TTC8: variants seen among roughly 807,000 people sequenced by gnomAD.
TTC8 encodes tetratricopeptide repeat protein 8.
TTC8 carries 47 observed loss-of-function variants against 72.5 expected under a neutral mutation model. That is an observed-to-expected ratio of 0.65 (90% CI 0.51 to 0.83). TTC8 has a LOEUF of 0.83. Among genes scored for constraint, TTC8 ranks in the 40% least tolerant of loss-of-function variants. TTC8 has a pLI of 0.00. For synonymous variants in TTC8, 199 were observed against 221.4 expected (o/e 0.90, Z 0.90); for missense variants, 611 against 623.2 (o/e 0.98, Z 0.21).
rs760621054 is a variant in TTC8, at chr14:88,824,678, G to C, written c.-30G>C. The C allele has an allele frequency of 3.2e-6, 5 of 1,557,938 alleles. No homozygotes were observed. The Admixed American group carries it at 9.2e-5, about 29-fold the overall frequency. On this transcript the variant is annotated 5_prime_UTR_variant, in exon 1 of 15. Coordinates refer to ENST00000380656, the MANE Select transcript of TTC8 (RefSeq NM_144596.4). ...TCCACGCCCACCTCTCTCCTGGAGCGCTGGGCCTTCGCTGGCCGCACCGGC... is the reference window on the plus strand; with the variant it reads ...TCCACGCCCACCTCTCTCCTGGAGCCCTGGGCCTTCGCTGGCCGCACCGGC...
At chr14:88,851,343 C>A (rs2094832806) in intron 7 of TTC8, among the ~76,000 whole-genome samples, 1 of 152,104 alleles carries the variant, frequency 6.6e-6, no homozygotes, top group South Asian at 2.1e-4. Flanking sequence ...TGGATTAGCA[C>A]AAAGATATGG....
At position 88,871,786 on chromosome 14, in the gene TTC8, T is replaced by A; in HGVS notation, c.1224+63T>A. 6.4e-7 allele frequency: 1 copy of A among 1,572,342 alleles called. No individual in the cohort carries two copies. The highest frequency in any genetic ancestry group is 8.7e-7 in the Non-Finnish European group (1 of 1,143,752). On this transcript the variant is annotated intron_variant, in intron 12 of 14. Coordinates refer to ENST00000380656, the MANE Select transcript of TTC8 (RefSeq NM_144596.4). This position sits in a 1 kb window ranked among gnomAD's most constrained non-coding sequence, Gnocchi z 4.1. ...GTTGGTTTGAGCCAGACACAGTGGC[T>A]CATGCCTATAATTCCAGCATTTTGG... is the stretch of plus-strand genomic sequence containing the variant.
chr14:88,824,925 C>A, intron 1 of TTC8, 104 bp downstream of exon 1: 1 of 1,126,790 alleles, frequency 8.9e-7, no homozygotes, highest in Non-Finnish European at 1.3e-6. Flanking sequence ...AGGCCCGAGG[C>A]GGGGCTGACC....
chr14:88,830,645 G>A (rs2094721272), intron 1 of TTC8, among the ~76,000 whole-genome samples: 1 of 152,160 alleles, frequency 6.6e-6, no homozygotes, highest in Admixed American at 6.5e-5. Context: ...GCTCCCTGAG[G>A]ATCAAGCCTA....
In TTC8 at chr14:88,839,618, G is replaced by A. The variant is rs1014420829; in HGVS notation, c.265+46G>A. ...TAAGTTAATGAAATACCATTAAGAG[G>A]AAGAATACTGTGTATAAGAGGAATA... is the stretch of plus-strand genomic sequence containing the variant. On this transcript the variant is annotated intron_variant, in intron 3 of 14. Transcript: ENST00000380656. 3 of 1,601,974 alleles carry A rather than the reference G, an allele frequency of 1.9e-6. No homozygotes were observed. In the African/African-American group the frequency reaches 4.0e-5, roughly 21 times the overall value.
chr14:88,833,480 A>ACT (rs2094735792), intron 1 of TTC8, among the ~76,000 whole-genome samples: 1 of 152,228 alleles, frequency 6.6e-6, no homozygotes, highest in South Asian at 2.1e-4. Flanking sequence ...GATTAATTAG[A>ACT]ATTTTCTGAT....
chr14:88,872,243 T>C, intron 12 of TTC8, 87 bp from the exon 13 acceptor site: 9 of 1,572,202 alleles, frequency 5.7e-6, no homozygotes, highest in Non-Finnish European at 7.8e-6. Flanking sequence ...ATGCTTTTTG[T>C]CTGGTAGCAG....
intron 13 of TTC8, 118 bp from the exon 14 acceptor site, chr14:88,874,908 C>T (rs1178001998): frequency 2.1e-5 from 14 of 667,010 alleles, no homozygotes; most frequent in Non-Finnish European, 3.3e-5. Flanking sequence ...ATCACAGGCT[C>T]GTGTTATTAA....
chr14:88,851,710 G>A (rs2094834800), intron 7 of TTC8, among the ~76,000 whole-genome samples: 1 of 151,882 alleles, frequency 6.6e-6, no homozygotes, highest in African/African-American at 2.4e-5. Flanking sequence ...GGGCAGGGTG[G>A]TGGGGGAGAA....
downstream of TTC8, chr14:88,879,186 C>T (rs1288410710): frequency 6.6e-6 from 1 of 152,160 alleles, no homozygotes; most frequent in Non-Finnish European, 1.5e-5. Flanking sequence ...GAATGAGTCA[C>T]AGTGGCTCAG....
At chr14:88,843,734 T>C (rs1377768919) in intron 6 of TTC8, 72 bp from the exon 7 acceptor site, 2 of 1,106,882 alleles carry the variant, frequency 1.8e-6, no homozygotes, top group Non-Finnish European at 1.3e-6. Flanking sequence ...AATCCAGGGC[T>C]TTAGAGTACT....
At position 88,870,147 on chromosome 14, in the gene TTC8, GA is replaced by G; in HGVS notation, c.1000del (p.Ser334AlafsTer11). On this transcript the variant is annotated frameshift_variant, in exon 11 of 15. Transcript: ENST00000380656. LOFTEE classifies it high-confidence loss of function. ...NTHVEAIACIGSNHFYSDQPE... is the reference protein window; with the variant it reads ...NTHVEAIACIXSNHFYSDQPE... The stretch of plus-strand genomic sequence containing the variant: ...CATGTGGAAGCCATCGCATGCATTG[GA>G]AGCAACCACTTCTATTCTGATCAGC... The G allele has an allele frequency of 6.2e-7, 1 of 1,614,122 alleles. No individual in the cohort carries two copies. Among genetic ancestry groups the G allele is most frequent in the Non-Finnish European group, 8.5e-7 (1 of 1,179,988 alleles).
At chr14:88,874,586 G>T (rs2141043292) in intron 13 of TTC8, among the ~76,000 whole-genome samples, 1 of 152,078 alleles carries the variant, frequency 6.6e-6, no homozygotes, top group Non-Finnish European at 1.5e-5. Flanking sequence ...ATTTACAATG[G>T]TTTTTTTGGT....
chr14:88,863,654 C>T (rs1418989723), intron 10 of TTC8, among the ~76,000 whole-genome samples: 1 of 152,216 alleles, frequency 6.6e-6, no homozygotes, highest in Non-Finnish European at 1.5e-5. Flanking sequence ...AGAGAACCAG[C>T]CAAATTCCCA....
chr14:88,870,002 A>T (rs1260741390), intron 10 of TTC8, 57 bp from the exon 11 acceptor site: 1 of 1,587,626 alleles, frequency 6.3e-7, no homozygotes, highest in Non-Finnish European at 8.6e-7. Flanking sequence ...GTCAGAAAAA[A>T]ATAATTTTTT....
intron 2 of TTC8, among the ~76,000 whole-genome samples, chr14:88,835,065 A>G (rs2094744302): frequency 6.6e-6 from 1 of 152,210 alleles, no homozygotes; most frequent in African/African-American, 2.4e-5. Flanking sequence ...GCTATATACA[A>G]TAACAATTCA....
chr14:88,837,037 G>T, intron 2 of TTC8: 1 of 268,996 alleles, frequency 3.7e-6, no homozygotes, highest in Non-Finnish European at 7.5e-6. Flanking sequence ...CTCCAGCTTG[G>T]GCAACAAGAG....
chr14:88,841,441 G>A lies in TTC8; in HGVS notation c.506G>A (p.Ser169Asn), dbSNP rs145642258. The change falls in exon 6 of 15, where the codon AGT becomes AAT. Residue 169 changes from serine (S) to asparagine (N), a missense_variant. By Grantham distance (46) the Ser-to-Asn change is conservative (BLOSUM62 1). Transcript: ENST00000380656. ...VRLGTASMLT[S>N]PDGPFINLSR... Reference sequence around the variant, plus strand: ...CCTCTGTAGGCTTCCATGCTTACAAGTCCTGATGGACCATTTATAAATTTA... The same window carrying A: ...CCTCTGTAGGCTTCCATGCTTACAAATCCTGATGGACCATTTATAAATTTA... 3.2e-5 allele frequency: 51 copies of A among 1,613,552 alleles called. No homozygotes were observed. Among genetic ancestry groups the A allele is most frequent in the Non-Finnish European group, 4.1e-5 (48 of 1,179,836 alleles).
intron 2 of TTC8, among the ~76,000 whole-genome samples, chr14:88,835,009 G>A (rs528066686): frequency 3.1e-4 from 47 of 152,132 alleles, no homozygotes; most frequent in Admixed American, 1.5e-3. Flanking sequence ...TTCCACTTTT[G>A]GAATTTCTTA....
Sources: allele counts gnomAD v4.1 joint callset (sites outside exome capture counted in the v4.1 genomes callset), GRCh38; gene constraint gnomAD v4.1.1; non-coding constraint Gnocchi (gnomAD v3.1); transcripts MANE v1.5; gene names NCBI Gene and HGNC (gene_info 2026-07-23, HGNC 2026-07-21).